ADTRP: variants seen among roughly 807,000 people sequenced by gnomAD.
ADTRP encodes androgen dependent TFPI regulating protein.
In ADTRP, 20 loss-of-function variants were observed where a neutral mutation model predicts 27.0. That is an observed-to-expected ratio of 0.74 (90% CI 0.52 to 1.08). The LOEUF (loss-of-function observed/expected upper bound fraction) is 1.08. ADTRP is among the 50% of genes least tolerant of loss of function. ADTRP has a pLI of 0.00. For synonymous variants in ADTRP, 101 were observed against 105.2 expected, an observed-to-expected ratio of 0.96 and a Z score of 0.25; for missense variants, 251 against 275.0, an observed-to-expected ratio of 0.91 and a Z score of 0.62.
chr6:11,756,364 G>A (rs1763214789), intron 3 of ADTRP, among the ~76,000 whole-genome samples: 5 of 151,920 alleles, frequency 3.3e-5, no homozygotes, highest in African/African-American at 1.2e-4. Context: ...ATAATTTAAT[G>A]GTACAAGGGA....
chr6:11,761,811 A>G (rs1380475793), intron 3 of ADTRP, among the ~76,000 whole-genome samples: 3 of 152,196 alleles, frequency 2.0e-5, no homozygotes, highest in African/African-American at 7.2e-5. Context: ...TTTTCCTGGA[A>G]AAACAGTCTA....
At chr6:11,714,624 T>G in intron 5 of ADTRP, 112 bp from the exon 6 acceptor site, 1 of 1,237,588 alleles carries the variant, frequency 8.1e-7, no homozygotes, top group Admixed American at 2.3e-5. Flanking sequence ...TTGAACACAC[T>G]TTTCCCAAGG....
Position 11,714,095 on chromosome 6 carries a change from G to A in ADTRP, c.*383C>T. 1.1e-5 allele frequency: 2 copies of A among 184,126 alleles called. No homozygotes were observed. The highest frequency in any genetic ancestry group is 1.2e-4 in the South Asian group (1 of 8,640). 11.4% of individuals were successfully genotyped at this position (184,126 alleles called of 1,614,324 possible). On this transcript the variant is annotated 3_prime_UTR_variant, in exon 6 of 6. Coordinates refer to ENST00000414691, the MANE Select transcript of ADTRP (RefSeq NM_032744.4). The stretch of plus-strand genomic sequence containing the variant: ...CCTTTTGCAGGTAACTTCTCATCTA[G>A]GTCCTCAGCATCCTTCTCTGTAAAC...
chr6:11,767,488 G>A (rs920628415), intron 2 of ADTRP, among the ~76,000 whole-genome samples: 1 of 152,196 alleles, frequency 6.6e-6, no homozygotes, highest in African/African-American at 2.4e-5. Context: ...TTTAAATTAA[G>A]TTCTGTACTA....
chr6:11,741,720 T>TA (rs1561754958), intron 3 of ADTRP, among the ~76,000 whole-genome samples: 28 of 96,654 alleles, frequency 2.9e-4, no homozygotes, highest in African/African-American at 1.1e-3. Flanking sequence ...AAGATTTTTT[T>TA]TAAAAAAAAA....
intron 5 of ADTRP, among the ~76,000 whole-genome samples, chr6:11,722,375 G>GT (rs997469836): frequency 1.3e-4 from 20 of 151,738 alleles, no homozygotes; most frequent in East Asian, 5.8e-4. Context: ...AAACTGTCAG[G>GT]TTTTTTTTGC....
At chr6:11,722,032 G>T (rs35340830) in intron 5 of ADTRP, among the ~76,000 whole-genome samples, 56,384 of 151,502 alleles carry the variant, frequency 0.37, 11,121 homozygotes, top group East Asian at 0.65. Flanking sequence ...AATATATATA[G>T]AGAGAGAGAG....
chr6:11,767,123 G>A (rs1363190374), intron 2 of ADTRP, among the ~76,000 whole-genome samples: 2 of 152,148 alleles, frequency 1.3e-5, no homozygotes, highest in African/African-American at 4.8e-5. Flanking sequence ...TGTAATCCTA[G>A]CACTTTGGGA....
intron 5 of ADTRP, 111 bp from the exon 6 acceptor site, chr6:11,714,623 C>G: frequency 8.0e-7 from 1 of 1,255,338 alleles, no homozygotes; most frequent in Non-Finnish European, 1.1e-6. Context: ...GTTGAACACA[C>G]TTTTCCCAAG....
In ADTRP at chr6:11,734,467, C is replaced by T. The variant is rs181100560; in HGVS notation, c.506+1101G>A. ...AGAGGCTGAAGAACAATATAGAGCA[C>T]TGGAGTCTGGGGGTAGATTTATTGA... On this transcript the variant is annotated intron_variant, in intron 4 of 5. Transcript: ENST00000414691. 3.9e-5 allele frequency among the ~76,000 whole-genome samples: 6 copies of T among 152,238 alleles called. No homozygotes were observed. In the East Asian group the frequency reaches 1.2e-3, roughly 29 times the overall value.
intron 1 of ADTRP, chr6:11,770,144 T>C: frequency 1.0e-5 from 15 of 1,474,982 alleles, no homozygotes; most frequent in Non-Finnish European, 1.3e-5. Context: ...AGATAAAGCA[T>C]TGTGGGAGGT....
intron 3 of ADTRP, among the ~76,000 whole-genome samples, chr6:11,765,945 C>A (rs1763557761): frequency 6.6e-6 from 1 of 152,020 alleles, no homozygotes; most frequent in Non-Finnish European, 1.5e-5. Flanking sequence ...TTACTTCATT[C>A]CATCCACACA....
intron 4 of ADTRP, among the ~76,000 whole-genome samples, chr6:11,734,841 T>C (rs531968714): frequency 6.6e-6 from 1 of 152,214 alleles, no homozygotes. Flanking sequence ...GAAGGAACAC[T>C]GATTAGCTTC....
At chr6:11,719,505 T>C (rs575904236) in intron 5 of ADTRP, among the ~76,000 whole-genome samples, 67 of 152,334 alleles carry the variant, frequency 4.4e-4, no homozygotes, top group African/African-American at 1.5e-3. Flanking sequence ...GAATTATTAT[T>C]TTTTAAACTT....
chr6:11,777,867 C>T (rs1054637206), intron 1 of ADTRP, among the ~76,000 whole-genome samples: 1 of 152,170 alleles, frequency 6.6e-6, no homozygotes, highest in African/African-American at 2.4e-5. Flanking sequence ...AATTCACATC[C>T]CCAAATGATT....
intron 3 of ADTRP, among the ~76,000 whole-genome samples, chr6:11,756,781 T>C (rs913366681): frequency 1.3e-5 from 2 of 152,224 alleles, no homozygotes; most frequent in Non-Finnish European, 1.5e-5. Flanking sequence ...GATCATATTC[T>C]AGACCCAGCT....
In ADTRP at chr6:11,755,173, A is replaced by G. The variant is rs149157351; in HGVS notation, c.390+11101T>C. On this transcript the variant is annotated intron_variant, in intron 3 of 5. Transcript: ENST00000414691. ...TCAAGGTCACTGAATAATTTTAATT[A>G]CTAAAATTCCTAGTAACTTCTCAGA... 411 of 647,480 alleles carry G rather than the reference A, an allele frequency of 6.3e-4. 3 individuals are homozygous for G. The African/African-American group carries it at 7.8e-3, about 12-fold the overall frequency. 40.1% of individuals were successfully genotyped at this position (647,480 alleles called of 1,614,324 possible).
At chr6:11,729,192 C>T (rs1581319427) in intron 4 of ADTRP, among the ~76,000 whole-genome samples, 2 of 152,004 alleles carry the variant, frequency 1.3e-5, no homozygotes, top group South Asian at 2.1e-4. Flanking sequence ...TTCTTTCTTT[C>T]GGTGTTAACC....
intron 3 of ADTRP, among the ~76,000 whole-genome samples, chr6:11,751,235 G>A (rs1220701708): frequency 2.0e-5 from 3 of 152,192 alleles, no homozygotes; most frequent in Non-Finnish European, 4.4e-5. Flanking sequence ...CTTCCAGCAG[G>A]GAAGGAACAT....
Sources: gnomAD v4.1 joint callset for allele counts (sites outside exome capture counted in the v4.1 genomes callset) on GRCh38, gnomAD v4.1.1 for gene constraint, MANE v1.5 for transcripts, NCBI Gene and HGNC (gene_info 2026-07-23, HGNC 2026-07-21) for gene names.